Variants in PDE3B observed in about 807,000 individuals in gnomAD.
The protein encoded by PDE3B is cGMP-inhibited 3',5'-cyclic phosphodiesterase 3B.
A neutral mutation model predicts 116.8 loss-of-function variants in PDE3B; 66 were observed. The ratio of observed to expected loss-of-function variants is 0.56; its 90% CI spans 0.46 to 0.69. PDE3B has a LOEUF of 0.69. PDE3B is among the 30% of genes least tolerant of loss of function. The pLI is 0.00. For missense variants in PDE3B, 1,384 were observed against 1,368.1 expected, an observed-to-expected ratio of 1.01 and a Z score of -0.18; for synonymous variants, 595 against 533.6, an observed-to-expected ratio of 1.12 and a Z score of -1.59.
At chr11:14,655,074 A>C (rs1482804657) in intron 1 of PDE3B, among the ~76,000 whole-genome samples, 1 of 152,246 alleles carries the variant, frequency 6.6e-6, no homozygotes, top group Non-Finnish European at 1.5e-5. Context: ...TGTTAAAAGA[A>C]TATAAAGATT....
intron 12 of PDE3B, among the ~76,000 whole-genome samples, chr11:14,856,722 C>T (rs1279882602): frequency 3.3e-5 from 5 of 151,930 alleles, no homozygotes; most frequent in Non-Finnish European, 5.9e-5. Context: ...GGCGTGGTGG[C>T]GGGCACCCGT....
chr11:14,802,143 T>G (rs915071454), intron 4 of PDE3B, among the ~76,000 whole-genome samples: 8 of 152,072 alleles, frequency 5.3e-5, no homozygotes, highest in Non-Finnish European at 1.0e-4. Flanking sequence ...GAGTATAGGG[T>G]TCTGTCTTGC....
rs767995356 is a variant in PDE3B at position 14,835,017 on chromosome 11, G to T, written c.2242G>T (p.Ala748Ser). 1 of 1,613,110 alleles carries T rather than the reference G, an allele frequency of 6.2e-7. No homozygotes were observed. The highest frequency in any genetic ancestry group is 8.5e-7 in the Non-Finnish European group (1 of 1,179,354). Residue 748 changes from alanine (A) to serine (S), a missense_variant, in exon 11 of 16, where the codon GCA becomes TCA. Transcript: ENST00000282096. ...NRIHATDVLH[A>S]VWYLTTRPVP... ...TATACATGCCACAGATGTGCTACAT[G>T]CAGTTTGGTATCTGACAACACGGCC...
rs1307136407 is a variant in PDE3B at position 14,847,525 on chromosome 11, C to A, written c.2520+3499C>A. On this transcript the variant is annotated intron_variant, in intron 12 of 15. Transcript: ENST00000282096. Reference sequence around the variant, plus strand: ...CTGAAGGAAATAGAGACACAAAAAACCCTTCAAAAAATCAATGAATCCAGG... The same window carrying A: ...CTGAAGGAAATAGAGACACAAAAAAACCTTCAAAAAATCAATGAATCCAGG... Among the ~76,000 whole-genome samples, 6 of 151,628 alleles carry A rather than the reference C, an allele frequency of 4.0e-5. No individual in the cohort carries two copies. In the East Asian group the frequency reaches 7.7e-4, roughly 20 times the overall value.
At chr11:14,659,503 A>AT (rs1853824144) in intron 1 of PDE3B, among the ~76,000 whole-genome samples, 1 of 152,292 alleles carries the variant, frequency 6.6e-6, no homozygotes, top group African/African-American at 2.4e-5. Flanking sequence ...TGGAAATGTG[A>AT]TTTTTTAAAA....
In PDE3B at chr11:14,644,837, C is replaced by A. The variant is rs1216370196; in HGVS notation, c.762C>A (p.Gly254=). ...LRPLLSGLVG[G]AGCLLALGLD... is the part of the protein sequence containing the mutation. Reference sequence around the variant, plus strand: ...CGCTGCTCTCCGGCCTGGTGGGGGGCGCTGGCTGCCTGCTGGCCCTGGGGT... The same window carrying A: ...CGCTGCTCTCCGGCCTGGTGGGGGGAGCTGGCTGCCTGCTGGCCCTGGGGT... The change falls in exon 1 of 16, where the codon GGC becomes GGA. Residue 254 remains glycine, a synonymous_variant. Coordinates refer to ENST00000282096, the MANE Select transcript of PDE3B (RefSeq NM_000922.4). The A allele has an allele frequency of 1.2e-6, 2 of 1,611,792 alleles. No homozygotes were observed. Among genetic ancestry groups the A allele is most frequent in the East Asian group, 4.5e-5 (2 of 44,820 alleles).
At chr11:14,865,473 C>G (rs1166972196) in intron 14 of PDE3B, among the ~76,000 whole-genome samples, 2 of 152,078 alleles carry the variant, frequency 1.3e-5, no homozygotes, top group African/African-American at 4.8e-5. Context: ...GCCTATATAA[C>G]CATGCACCTG....
chr11:14,723,867 A>G (rs1442791292), intron 1 of PDE3B, among the ~76,000 whole-genome samples: 3 of 152,216 alleles, frequency 2.0e-5, no homozygotes, highest in Non-Finnish European at 4.4e-5. Flanking sequence ...AGAAAACAAA[A>G]AGAAGAGTGG....
intron 1 of PDE3B, among the ~76,000 whole-genome samples, chr11:14,730,724 A>T (rs181124686): frequency 6.6e-6 from 1 of 152,316 alleles, no homozygotes; most frequent in East Asian, 1.9e-4. Flanking sequence ...CTTCTGAAAG[A>T]TATATCAACA....
At chr11:14,834,197 G>A (rs533643703) in intron 10 of PDE3B, among the ~76,000 whole-genome samples, 1 of 152,218 alleles carries the variant, frequency 6.6e-6, no homozygotes, top group East Asian at 1.9e-4. Flanking sequence ...ATCTACTAAT[G>A]CATACATACA....
intron 4 of PDE3B, among the ~76,000 whole-genome samples, chr11:14,794,044 T>C (rs558498795): frequency 6.6e-6 from 1 of 152,212 alleles, no homozygotes; most frequent in Non-Finnish European, 1.5e-5. Flanking sequence ...TTGTATTGAC[T>C]GTCTAGAAGT....
At chr11:14,779,293 A>G (rs4281506) in intron 2 of PDE3B, among the ~76,000 whole-genome samples, 17,450 of 152,188 alleles carry the variant, frequency 0.11, 1,305 homozygotes, top group African/African-American at 0.22. Context: ...GAAGGCCAAC[A>G]TTCAAATTCA....
chr11:14,713,780 G>A (rs1319280053), intron 1 of PDE3B, among the ~76,000 whole-genome samples: 1 of 152,032 alleles, frequency 6.6e-6, no homozygotes, highest in Non-Finnish European at 1.5e-5. Context: ...TTAATAAAGG[G>A]TGACTTGGAA....
intron 7 of PDE3B, among the ~76,000 whole-genome samples, chr11:14,823,663 G>A (rs538007042): frequency 5.3e-5 from 8 of 152,296 alleles, no homozygotes; most frequent in African/African-American, 1.7e-4. Context: ...AGCTCCCAGA[G>A]GGATAGGGGG....
intron 1 of PDE3B, among the ~76,000 whole-genome samples, chr11:14,651,825 T>C (rs1038211285): frequency 2.6e-5 from 4 of 152,224 alleles, no homozygotes; most frequent in Non-Finnish European, 5.9e-5. Flanking sequence ...TATGTATGAC[T>C]GTATCTGGGC....
intron 8 of PDE3B, 58 bp downstream of exon 8, chr11:14,830,904 TG>T: frequency 8.7e-7 from 1 of 1,152,072 alleles, no homozygotes; most frequent in Non-Finnish European, 1.2e-6. Flanking sequence ...CTGTTAGTAC[TG>T]GTTTCATTAC....
chr11:14,769,593 A>AGG (rs1357427284), intron 1 of PDE3B, among the ~76,000 whole-genome samples: 1 of 146,752 alleles, frequency 6.8e-6, no homozygotes, highest in African/African-American at 2.5e-5. Context: ...CTCCGAATCC[A>AGG]GGGATATATA....
At position 14,869,714 on chromosome 11, in the gene PDE3B, C is replaced by T. The variant is rs976243062; in HGVS notation, c.*54C>T. On this transcript the variant is annotated 3_prime_UTR_variant, in exon 16 of 16. Transcript: ENST00000282096. Reference sequence around the variant, plus strand: ...TTGAAGAAGCCCAGAGGGTTGTGCCCAGGGGCAGAAATCATTGCCTAGTGT... The same window carrying T: ...TTGAAGAAGCCCAGAGGGTTGTGCCTAGGGGCAGAAATCATTGCCTAGTGT... 6.1e-6 allele frequency: 9 copies of T among 1,476,860 alleles called. No homozygotes were observed. Among genetic ancestry groups the T allele is most frequent in the Non-Finnish European group, 7.5e-6 (8 of 1,068,162 alleles). The allele number at this position is 1,476,860 out of a possible 1,614,324, so 91.5% of individuals were successfully genotyped here.
the PDE3B span, among the ~76,000 whole-genome samples, chr11:14,882,624 G>A: frequency 6.6e-6 from 1 of 152,096 alleles, no homozygotes; most frequent in African/African-American, 2.4e-5. Context: ...TACTTCCAAG[G>A]TCAGTACATA....
Sources: gnomAD v4.1 joint callset for allele counts (sites outside exome capture counted in the v4.1 genomes callset) on GRCh38, gnomAD v4.1.1 for gene constraint, MANE v1.5 for transcripts, NCBI Gene and HGNC (gene_info 2026-07-23, HGNC 2026-07-21) for gene names.